Variants in FRMD5 observed in about 807,000 individuals in gnomAD.
FRMD5 encodes the protein FERM domain-containing protein 5.
FRMD5 carries 20 observed loss-of-function variants against 69.0 expected under a neutral mutation model. That is an observed-to-expected ratio of 0.29 (90% confidence interval 0.20 to 0.42). FRMD5 has a LOEUF of 0.42. FRMD5 is among the 10% of genes least tolerant of loss of function. The pLI is 1.00. For missense variants in FRMD5, 595 were observed against 708.6 expected (o/e 0.84, Z 1.82); for synonymous variants, 271 against 260.1 (o/e 1.04, Z -0.40).
chr15:43,886,977 C>T (rs1336476573), intron 10 of FRMD5, among the ~76,000 whole-genome samples: 1 of 152,162 alleles, frequency 6.6e-6, no homozygotes, highest in Non-Finnish European at 1.5e-5. Context: ...GTAGGGAGAT[C>T]TACTCGTGGG....
chr15:44,166,727 T>G (rs1288250294), intron 1 of FRMD5, among the ~76,000 whole-genome samples: 1 of 135,848 alleles, frequency 7.4e-6, no homozygotes. Context: ...GAGGTTGCAG[T>G]GAGCCAAGAT....
At chr15:43,974,589 G>C (rs1045359432) in intron 1 of FRMD5, among the ~76,000 whole-genome samples, 1 of 152,108 alleles carries the variant, frequency 6.6e-6, no homozygotes, top group African/African-American at 2.4e-5. Context: ...AAGAGAGGGC[G>C]GTGCCTTATC....
At chr15:43,900,258 C>A (rs963648342) in intron 7 of FRMD5, among the ~76,000 whole-genome samples, 1 of 152,160 alleles carries the variant, frequency 6.6e-6, no homozygotes, top group Non-Finnish European at 1.5e-5. Flanking sequence ...TCTCTTCACT[C>A]CTGTGTGGGT....
chr15:43,985,683 C>T lies in FRMD5; in HGVS notation c.103-61374G>A, dbSNP rs139772992. On this transcript the variant is annotated intron_variant, in intron 1 of 13. Transcript: ENST00000417257. ...GGTATTCAGGAATTGACATTCTGTG[C>T]GGATAAGTATTCACATTAATGAATG... is the stretch of plus-strand genomic sequence containing the variant. Among the ~76,000 whole-genome samples the T allele has an allele frequency of 2.6e-4, 39 of 152,144 alleles. No homozygotes were observed. In the South Asian group the frequency reaches 6.0e-3, roughly 24 times the overall value.
At position 43,948,622 on chromosome 15, in the gene FRMD5, T is replaced by C. The variant is rs182995688; in HGVS notation, c.103-24313A>G. Among the ~76,000 whole-genome samples the C allele has an allele frequency of 3.3e-5, 5 of 152,326 alleles. 1 individual carries two copies. The highest frequency in any genetic ancestry group is 2.6e-4 in the Admixed American group (4 of 15,302). ...TTTCCATAAGGAGGGCATATTTTTT[T>C]CCAAAGTATGTATAAATACACACAC... is the stretch of plus-strand genomic sequence containing the variant. On this transcript the variant is annotated intron_variant, in intron 1 of 13. Coordinates refer to ENST00000417257, the MANE Select transcript of FRMD5 (RefSeq NM_032892.5).
intron 4 of FRMD5, among the ~76,000 whole-genome samples, chr15:43,918,360 G>T (rs1006837349): frequency 2.0e-5 from 3 of 152,210 alleles, no homozygotes; most frequent in Non-Finnish European, 4.4e-5. Context: ...GAAGGTGGAG[G>T]TTGCAGTGAG....
At chr15:43,990,077 C>A in intron 1 of FRMD5, 1 of 701,158 alleles carries the variant, frequency 1.4e-6, no homozygotes, top group Non-Finnish European at 2.7e-6. Flanking sequence ...CTGGGGCGCC[C>A]CACAATGAAG....
intron 2 of FRMD5, among the ~76,000 whole-genome samples, chr15:43,921,079 A>T (rs545238794): frequency 6.6e-6 from 1 of 152,184 alleles, no homozygotes; most frequent in Non-Finnish European, 1.5e-5. Context: ...TAGCCACTCA[A>T]TGTGGTTAAG....
At chr15:43,881,419 G>C (rs1255868028) in intron 13 of FRMD5, among the ~76,000 whole-genome samples, 1 of 152,194 alleles carries the variant, frequency 6.6e-6, no homozygotes, top group African/African-American at 2.4e-5. Context: ...AACACCAGGA[G>C]GCTGTGTCTC....
chr15:44,033,524 T>G (rs1052069124), intron 1 of FRMD5, among the ~76,000 whole-genome samples: 3 of 152,246 alleles, frequency 2.0e-5, no homozygotes, highest in African/African-American at 2.4e-5. Context: ...ACTTAATATT[T>G]TCATATATAA....
chr15:44,181,932 T>C (rs1419496252), intron 1 of FRMD5, among the ~76,000 whole-genome samples: 1 of 151,736 alleles, frequency 6.6e-6, no homozygotes, highest in Admixed American at 6.6e-5. Context: ...AATATCACCA[T>C]ATCATAACTC....
At chr15:43,951,565 C>T (rs1004999489) in intron 1 of FRMD5, among the ~76,000 whole-genome samples, 1 of 152,020 alleles carries the variant, frequency 6.6e-6, no homozygotes, top group African/African-American at 2.4e-5. Context: ...AAATACCAAA[C>T]AGATTATGCT....
At chr15:44,185,225 T>C (rs1267071190) in intron 1 of FRMD5, among the ~76,000 whole-genome samples, 1 of 152,244 alleles carries the variant, frequency 6.6e-6, no homozygotes, top group Non-Finnish European at 1.5e-5. Context: ...AATCTGAAGC[T>C]GGGCATAGTT....
At chr15:43,923,346 G>A (rs1566838248) in intron 2 of FRMD5, among the ~76,000 whole-genome samples, 1 of 152,194 alleles carries the variant, frequency 6.6e-6, no homozygotes, top group Non-Finnish European at 1.5e-5. Context: ...CTATAACAGG[G>A]TAGCAGAGGG....
chr15:43,934,455 T>C (rs1248793925), intron 1 of FRMD5, among the ~76,000 whole-genome samples: 1 of 150,690 alleles, frequency 6.6e-6, no homozygotes, highest in African/African-American at 2.5e-5. Flanking sequence ...AAAACAGTTT[T>C]TTTTTCTTTA....
At chr15:44,100,701 G>A (rs932897829) in intron 1 of FRMD5, among the ~76,000 whole-genome samples, 1 of 152,182 alleles carries the variant, frequency 6.6e-6, no homozygotes, top group African/African-American at 2.4e-5. Flanking sequence ...CAAGGCAGAT[G>A]TGAACCACAG....
intron 1 of FRMD5, among the ~76,000 whole-genome samples, chr15:43,966,441 G>A (rs2090296555): frequency 6.6e-6 from 1 of 151,988 alleles, no homozygotes; most frequent in African/African-American, 2.4e-5. Context: ...AGTAACAATA[G>A]GGATAATTAA....
chr15:44,012,764 T>G (rs1384718909), intron 1 of FRMD5, among the ~76,000 whole-genome samples: 4 of 141,762 alleles, frequency 2.8e-5, no homozygotes, highest in African/African-American at 1.2e-4. Context: ...TTATTGGGTT[T>G]TTTTTTTTTT....
chr15:44,025,105 T>G (rs1891373617), intron 1 of FRMD5, among the ~76,000 whole-genome samples: 1 of 152,204 alleles, frequency 6.6e-6, no homozygotes. Flanking sequence ...TTGTGAGGAA[T>G]AGAGTTTAAT....
Sources: gnomAD v4.1 joint callset for allele counts (sites outside exome capture counted in the v4.1 genomes callset) on GRCh38, gnomAD v4.1.1 for gene constraint, MANE v1.5 for transcripts, NCBI Gene and HGNC (gene_info 2026-07-23, HGNC 2026-07-21) for gene names.